Variants in FLVCR1 observed in about 807,000 individuals in gnomAD.
FLVCR1 encodes choline/ethanolamine transporter FLVCR1.
A neutral mutation model predicts 53.6 loss-of-function variants in FLVCR1; 34 were observed. The observed-to-expected ratio is 0.63, with a 90% confidence interval of 0.48 to 0.84. The LOEUF (loss-of-function observed/expected upper bound fraction) is 0.84, where lower values mean the gene tolerates loss of function less well. Among genes scored for constraint, FLVCR1 ranks in the 40% least tolerant of loss-of-function variants. The probability of loss-of-function intolerance (pLI) is 0.00; values close to 1 mark genes in which losing one functional copy is unlikely to be tolerated. For missense variants in FLVCR1, 677 were observed against 696.7 expected, an observed-to-expected ratio of 0.97 and a Z score of 0.32; for synonymous variants, 300 against 286.3, an observed-to-expected ratio of 1.05 and a Z score of -0.48.
intron 8 of FLVCR1, among the ~76,000 whole-genome samples, chr1:212,892,060 G>A (rs1665207568): frequency 6.6e-6 from 1 of 152,216 alleles, no homozygotes; most frequent in African/African-American, 2.4e-5. Flanking sequence ...CGGAAGAAAA[G>A]CTGGAAACTA....
chr1:212,877,902 G>A (rs1379942485), intron 3 of FLVCR1, among the ~76,000 whole-genome samples: 2 of 152,044 alleles, frequency 1.3e-5, no homozygotes, highest in African/African-American at 4.8e-5. Flanking sequence ...TGGAGGTCCT[G>A]GCTGGCTCAG....
intron 2 of FLVCR1, among the ~76,000 whole-genome samples, chr1:212,870,931 G>A (rs1285078286): frequency 6.6e-6 from 1 of 152,060 alleles, no homozygotes; most frequent in Non-Finnish European, 1.5e-5. Flanking sequence ...TTAATGCCTG[G>A]CTAATTTTTG....
chr1:212,885,529 C>A (rs7522693), intron 5 of FLVCR1, 133 bp downstream of exon 5: 4 of 578,536 alleles, frequency 6.9e-6, no homozygotes, highest in Middle Eastern at 3.8e-4. Flanking sequence ...CTAGTAGGTT[C>A]TCTTCACTTA....
chr1:212,879,291 G>C (rs1664855884), intron 3 of FLVCR1, among the ~76,000 whole-genome samples: 1 of 152,124 alleles, frequency 6.6e-6, no homozygotes, highest in African/African-American at 2.4e-5. Flanking sequence ...GTAGTTTCTC[G>C]ACTTCATGTT....
Position 212,858,714 on chromosome 1 carries a change from G to C in FLVCR1, c.262G>C (p.Ala88Pro). The C allele has an allele frequency of 1.2e-6, 2 of 1,602,244 alleles. No individual in the cohort carries two copies. The highest frequency in any genetic ancestry group is 1.3e-5 in the African/African-American group (1 of 74,808). Residue 88 changes from alanine to proline, a missense_variant, in exon 1 of 10, where the codon GCT becomes CCT. Coordinates refer to ENST00000366971, the MANE Select transcript of FLVCR1 (RefSeq NM_014053.4). ...QARLLPAGAG[A>P]ETPGAESSPL... ...CCGGCTGCTGCCTGCGGGCGCGGGA[G>C]CTGAGACCCCGGGGGCCGAGAGCAG...
At chr1:212,893,071 G>GC (rs1665235943) in intron 8 of FLVCR1, among the ~76,000 whole-genome samples, 1 of 148,198 alleles carries the variant, frequency 6.7e-6, no homozygotes. Flanking sequence ...TTTTTGGGGG[G>GC]GGGTGCCGGA....
intron 3 of FLVCR1, among the ~76,000 whole-genome samples, chr1:212,876,229 C>A (rs1664748946): frequency 2.6e-5 from 4 of 152,080 alleles, no homozygotes; most frequent in Admixed American, 2.6e-4. Context: ...CCCTCGTGCA[C>A]CATGTGTCCA....
intron 4 of FLVCR1, among the ~76,000 whole-genome samples, 159 bp from the exon 5 acceptor site, chr1:212,885,134 T>C (rs1308490760): frequency 6.6e-6 from 1 of 152,224 alleles, no homozygotes; most frequent in Non-Finnish European, 1.5e-5. Flanking sequence ...ATTCTTTACC[T>C]GCCCTCCCCT....
At chr1:212,880,747 G>C (rs1478533836) in intron 3 of FLVCR1, among the ~76,000 whole-genome samples, 1 of 147,540 alleles carries the variant, frequency 6.8e-6, no homozygotes, top group African/African-American at 2.5e-5. Context: ...GCAGTGAGCC[G>C]AAACTGCTAT....
rs869201366 is a variant in FLVCR1, at chr1:212,897,210, T to TAAAAAAAA, written c.*1924_*1925insAAAAAAAA. 1.1e-4 allele frequency: 11 copies of TAAAAAAAA among 102,004 alleles called. No homozygotes were observed. Among genetic ancestry groups the TAAAAAAAA allele is most frequent in the African/African-American group, 3.6e-4 (11 of 30,184 alleles). The allele number at this position is 102,004 out of a possible 1,614,324, so 6.3% of individuals were successfully genotyped here. A position where few individuals can be genotyped will look rare whatever the true frequency, so the allele number is the denominator to read the frequency against. ...ATAAATAAATAAATAAATAAATAAA[T>TAAAAAAAA]AAAACCTGAGGTTGAGCACGATGGC... On this transcript the variant is annotated 3_prime_UTR_variant, in exon 10 of 10. Coordinates refer to ENST00000366971, the MANE Select transcript of FLVCR1 (RefSeq NM_014053.4).
intron 5 of FLVCR1, 154 bp downstream of exon 5, chr1:212,885,550 C>CTGTTTTTTTTTT (rs1665038046): frequency 3.9e-6 from 1 of 257,976 alleles, no homozygotes; most frequent in Non-Finnish European, 7.1e-6. Flanking sequence ...ACAAGTGTTT[C>CTGTTTTTTTTTT]TTTTTTTTTT....
In FLVCR1 at chr1:212,858,974, GC is replaced by G. The variant is rs1317067732; in HGVS notation, c.523del (p.Leu175SerfsTer85). On this transcript the variant is annotated frameshift_variant, in exon 1 of 10. Coordinates refer to ENST00000366971, the MANE Select transcript of FLVCR1 (RefSeq NM_014053.4). LOFTEE classifies it high-confidence loss of function. ...TWLLDTRGLRLTALLGSGLNC... is the reference protein window; with the variant it reads ...TWLLDTRGLRXTALLGSGLNC... ...GGCTGCTGGACACCAGAGGCCTGCGGCTCACCGCCCTGCTGGGCTCCGGCCT... is the reference window on the plus strand; with the variant it reads ...GGCTGCTGGACACCAGAGGCCTGCGGTCACCGCCCTGCTGGGCTCCGGCCT... The G allele has an allele frequency of 1.9e-6, 3 of 1,614,052 alleles. No homozygotes were observed. In the South Asian group the frequency reaches 3.3e-5, roughly 18 times the overall value.
chr1:212,884,650 A>G (rs956985310), intron 4 of FLVCR1, among the ~76,000 whole-genome samples: 7 of 152,320 alleles, frequency 4.6e-5, no homozygotes, highest in Middle Eastern at 3.4e-3. Flanking sequence ...TCAGATATCT[A>G]TACAGTGTCA....
At chr1:212,876,331 C>T (rs1368641420) in intron 3 of FLVCR1, among the ~76,000 whole-genome samples, 2 of 151,666 alleles carry the variant, frequency 1.3e-5, no homozygotes, top group African/African-American at 4.8e-5. Flanking sequence ...ATAACTGCTT[C>T]CAGCTCCATC....
At position 212,893,124 on chromosome 1, in the gene FLVCR1, C is replaced by T. The variant is rs571872125; in HGVS notation, c.1526-1862C>T. Among the ~76,000 whole-genome samples the T allele has an allele frequency of 4.6e-5, 7 of 150,918 alleles. No individual in the cohort carries two copies. The South Asian group carries it at 8.4e-4, about 18-fold the overall frequency. The stretch of plus-strand genomic sequence containing the variant: ...AGGCTGGAGTGCAGTGGCGTGATCT[C>T]GGCTCACAGCAAGCTCTGCCTCCCG... On this transcript the variant is annotated intron_variant, in intron 8 of 9. Coordinates refer to ENST00000366971, the MANE Select transcript of FLVCR1 (RefSeq NM_014053.4).
rs112188194 is a variant in FLVCR1, at chr1:212,866,173, C to T, written c.883+2304C>T. On this transcript the variant is annotated intron_variant, in intron 2 of 9. Transcript: ENST00000366971. ...CTAATTTTTGTATTTTTAGTAGAGA[C>T]GGGGTTTCACCATGTTGGCCAGGCT... is the stretch of plus-strand genomic sequence containing the variant. 5.1e-3 allele frequency among the ~76,000 whole-genome samples: 771 copies of T among 151,874 alleles called. 5 individuals carry two copies. The highest frequency in any genetic ancestry group is 0.018 in the African/African-American group (732 of 41,416).
chr1:212,885,221 G>A (rs948576319), intron 4 of FLVCR1, 72 bp from the exon 5 acceptor site: 23 of 988,594 alleles, frequency 2.3e-5, no homozygotes, highest in Admixed American at 1.0e-4. Flanking sequence ...CTATGAAAAG[G>A]TGTGGGAATG....
At chr1:212,895,121 T>G in intron 9 of FLVCR1, 68 bp downstream of exon 9, 1 of 1,375,782 alleles carries the variant, frequency 7.3e-7, no homozygotes, top group Non-Finnish European at 1.0e-6. Flanking sequence ...CCATATTTTT[T>G]TATTTAGCTA....
intron 2 of FLVCR1, among the ~76,000 whole-genome samples, chr1:212,866,859 A>G (rs2102542427): frequency 6.6e-6 from 1 of 152,364 alleles, no homozygotes; most frequent in Middle Eastern, 3.4e-3. Context: ...AGCATATTAT[A>G]AAAGCAAGAT....
Sources: allele counts gnomAD v4.1 joint callset (sites outside exome capture counted in the v4.1 genomes callset), GRCh38; gene constraint gnomAD v4.1.1; transcripts MANE v1.5; gene names NCBI Gene and HGNC (gene_info 2026-07-23, HGNC 2026-07-21).